Variants in COG1 observed in about 807,000 individuals in gnomAD.
COG1 encodes conserved oligomeric Golgi complex subunit 1.
In COG1, 61 loss-of-function variants were observed where a neutral mutation model predicts 102.2. That is an observed-to-expected ratio of 0.60 (90% CI 0.49 to 0.74). COG1 has a LOEUF of 0.74. Ranked by LOEUF, COG1 falls within the 30% of genes least tolerant of loss-of-function variation. COG1 has a pLI of 0.00. For synonymous variants in COG1, 454 were observed against 493.6 expected (o/e 0.92, Z 1.06); for missense variants, 1,164 against 1,232.1 (o/e 0.94, Z 0.83).
At position 73,197,062 on chromosome 17, in the gene COG1, T is replaced by C. The variant is rs756200970; in HGVS notation, c.723T>C (p.Leu241=). ...CCAGAAAGGCAACTATTCAGAAACTTCTCAACCAGCCACACCATGGTGGGT... is the reference window on the plus strand; with the variant it reads ...CCAGAAAGGCAACTATTCAGAAACTCCTCAACCAGCCACACCATGGTGGGT... The part of the protein sequence containing the change: ...LLARKATIQK[L]LNQPHHGAGI... The change falls in exon 3 of 14, where the codon CTT becomes CTC. Residue 241 remains leucine, a synonymous_variant. Coordinates refer to ENST00000299886, the MANE Select transcript of COG1 (RefSeq NM_018714.3). The C allele has an allele frequency of 3.1e-6, 5 of 1,613,960 alleles. No homozygotes were observed. Among genetic ancestry groups the C allele is most frequent in the Non-Finnish European group, 3.4e-6 (4 of 1,180,028 alleles).
chr17:73,197,543 T>C, intron 4 of COG1, 147 bp downstream of exon 4: 2 of 813,962 alleles, frequency 2.5e-6, no homozygotes, highest in East Asian at 5.3e-5. Context: ...GAGGCCACAG[T>C]TGAGTGGTAG....
intron 5 of COG1, 58 bp from the exon 6 acceptor site, chr17:73,200,508 A>C: frequency 7.1e-7 from 1 of 1,399,742 alleles, no homozygotes; most frequent in Non-Finnish European, 1.0e-6. Context: ...TGTTTTTCTT[A>C]ATAAAGATGT....
In COG1 at chr17:73,203,781, A is replaced by G. The variant is rs371288351; in HGVS notation, c.2370A>G (p.Glu790=). The change falls in exon 9 of 14, where the codon GAA becomes GAG. Residue 790 remains glutamate (E), a synonymous_variant. Transcript: ENST00000299886. ...VVAAYEKLSE[E]KQIKKEGAFP... ...CTGCCTATGAGAAACTCTCCGAAGAAAAACAGATTAAGGTAGGTGTCTGAA... is the reference window on the plus strand; with the variant it reads ...CTGCCTATGAGAAACTCTCCGAAGAGAAACAGATTAAGGTAGGTGTCTGAA... The G allele has an allele frequency of 6.2e-7, 1 of 1,614,122 alleles. No homozygotes were observed. Among genetic ancestry groups the G allele is most frequent in the African/African-American group, 1.3e-5 (1 of 74,944 alleles).
chr17:73,203,246 T>C lies in COG1; in HGVS notation c.2220+100T>C, dbSNP rs1036722561. 4.8e-5 allele frequency: 69 copies of C among 1,439,522 alleles called. No individual in the cohort carries two copies. The African/African-American group carries it at 8.2e-4, about 17-fold the overall frequency. The allele number at this position is 1,439,522 out of a possible 1,614,324, so 89.2% of individuals were successfully genotyped here. On this transcript the variant is annotated intron_variant, in intron 8 of 13. Transcript: ENST00000299886. The stretch of plus-strand genomic sequence containing the variant: ...CAACATACAACTTCTGAGGAATAGC[T>C]GAAAGTAACATCTGTAATTTTCTAC...
chr17:73,201,797 C>T lies in COG1; in HGVS notation c.1970C>T (p.Thr657Ile). ...CTGAGAAAACAGGGAAAGGTGAAAA[C>T]TCAGGAAATCATTCCTACACAGGCC... is the stretch of plus-strand genomic sequence containing the variant. Reference protein sequence around the residue: ...RALRKQGKVKTQEIIPTQAKW... With the variant: ...RALRKQGKVKIQEIIPTQAKW... Residue 657 changes from threonine (T) to isoleucine (I), a missense_variant, in exon 7 of 14, where the codon ACT becomes ATT. Transcript: ENST00000299886. 5.0e-6 allele frequency: 8 copies of T among 1,614,190 alleles called. No homozygotes were observed. Among genetic ancestry groups the T allele is most frequent in the Non-Finnish European group, 6.8e-6 (8 of 1,180,044 alleles).
intron 4 of COG1, 35 bp downstream of exon 4, chr17:73,197,431 C>G (rs1339375719): frequency 6.2e-7 from 1 of 1,609,484 alleles, no homozygotes; most frequent in East Asian, 2.2e-5. Flanking sequence ...AATTCTGGTT[C>G]ACTCAACTGA....
At chr17:73,204,554 C>CT (rs575425786) in intron 9 of COG1, among the ~76,000 whole-genome samples, 8,668 of 95,858 alleles carry the variant, frequency 0.09, 587 homozygotes, top group East Asian at 0.15. Context: ...TCATTAGTAA[C>CT]TTTTTTTTTT....
At chr17:73,201,062 G>A (rs770179791) in intron 6 of COG1, 47 bp from the exon 7 acceptor site, 17 of 1,557,794 alleles carry the variant, frequency 1.1e-5, no homozygotes, top group African/African-American at 2.7e-5. Context: ...GTTTTGAAAT[G>A]TCCTTAAAGG....
rs141185616 is a variant in COG1, at chr17:73,201,364, T to A, written c.1537T>A (p.Cys513Ser). ...CATGAAAGCACAAGCCATCAGCCCTTGTGTACAGAACTTCTGTTCTGCCCT... is the reference window on the plus strand; with the variant it reads ...CATGAAAGCACAAGCCATCAGCCCTAGTGTACAGAACTTCTGTTCTGCCCT... ...LSMKAQAISP[C>S]VQNFCSALDS... The change falls in exon 7 of 14, where the codon TGT becomes AGT. Residue 513 changes from cysteine (C) to serine (S), a missense_variant. Cys to Ser is a moderately radical substitution (Grantham distance 112). Transcript: ENST00000299886. 5 of 1,614,086 alleles carry A rather than the reference T, an allele frequency of 3.1e-6. No homozygotes were observed. The highest frequency in any genetic ancestry group is 4.2e-6 in the Non-Finnish European group (5 of 1,180,044).
chr17:73,208,235 G>A (rs986678621), intron 13 of COG1, 79 bp from the exon 14 acceptor site: 107 of 1,607,142 alleles, frequency 6.7e-5, no homozygotes, highest in African/African-American at 1.1e-4. Flanking sequence ...TGTGGACTCC[G>A]AGTGGCGTCG....
chr17:73,207,230 A>C lies in COG1; in HGVS notation c.2779A>C (p.Thr927Pro), dbSNP rs768573145. The C allele has an allele frequency of 5.0e-6, 8 of 1,613,964 alleles. No individual in the cohort carries two copies. The African/African-American group carries it at 1.1e-4, about 22-fold the overall frequency. ...SMTSTRKAKS[T>P]RNIETKAQVV... ...GACAAGCACTCGAAAGGCTAAATCAACCAGAAACATCGAAACAAAAGCTCA... is the reference window on the plus strand; with the variant it reads ...GACAAGCACTCGAAAGGCTAAATCACCCAGAAACATCGAAACAAAAGCTCA... The change falls in exon 13 of 14, where the codon ACC (threonine) becomes CCC (proline). Residue 927 changes from threonine to proline, a missense_variant. Physicochemically the swap from Thr to Pro is conservative, Grantham distance 38 (BLOSUM62 -1). Transcript: ENST00000299886.
chr17:73,201,962 A>T (rs1446519273), intron 7 of COG1, 62 bp downstream of exon 7: 5 of 1,468,718 alleles, frequency 3.4e-6, no homozygotes, highest in Non-Finnish European at 4.7e-6. Context: ...AGTCTTGCCA[A>T]CCTCAATCAG....
chr17:73,206,249 T>G lies in COG1; in HGVS notation c.2606T>G (p.Val869Gly), dbSNP rs1599331791. ...PHLNSNLHRL[V>G]QRTSVLFGLV... is the part of the protein sequence containing the mutation. ...CTCAACAGCAACCTTCATCGCCTGGTGCAGCGAACTTCTGTGAGTCAAATC... is the reference window on the plus strand; with the variant it reads ...CTCAACAGCAACCTTCATCGCCTGGGGCAGCGAACTTCTGTGAGTCAAATC... The change falls in exon 11 of 14, where the codon GTG becomes GGG. Residue 869 changes from valine to glycine, a missense_variant. Physicochemically the swap from Val to Gly is moderately radical, Grantham distance 109. Coordinates refer to ENST00000299886, the MANE Select transcript of COG1 (RefSeq NM_018714.3). 5 of 1,613,940 alleles carry G rather than the reference T, an allele frequency of 3.1e-6. No homozygotes were observed. The Admixed American group carries it at 5.0e-5, about 16-fold the overall frequency.
chr17:73,198,544 C>T (rs2061334176), intron 4 of COG1, among the ~76,000 whole-genome samples: 2 of 152,124 alleles, frequency 1.3e-5, no homozygotes, highest in Non-Finnish European at 2.9e-5. Context: ...AGTGACTGTG[C>T]CACTGCTTTC....
intron 11 of COG1, among the ~76,000 whole-genome samples, 166 bp from the exon 12 acceptor site, chr17:73,206,542 C>T (rs2061373344): frequency 6.6e-6 from 1 of 152,056 alleles, no homozygotes; most frequent in African/African-American, 2.4e-5. Flanking sequence ...AGATTCTGAC[C>T]TGTGGGCAGT....
Position 73,196,574 on chromosome 17 carries a change from C to T in COG1, c.383C>T (p.Pro128Leu), listed in dbSNP as rs548449163. The T allele has an allele frequency of 2.7e-5, 44 of 1,614,192 alleles. No homozygotes were observed. The highest frequency in any genetic ancestry group is 9.3e-5 in the African/African-American group (7 of 75,026). ...CAGATCAAGCTACTCTTAGAAATTC[C>T]GGAGAAGATCTGGAGCTCGATGGAA... Reference protein sequence around the residue: ...AAQIKLLLEIPEKIWSSMEAS... With the variant: ...AAQIKLLLEILEKIWSSMEAS... Residue 128 changes from proline (P) to leucine (L), a missense_variant, in exon 2 of 14, where the codon CCG (proline) becomes CTG (leucine). Transcript: ENST00000299886.
At chr17:73,207,721 C>T (rs777715682) in intron 13 of COG1, 55 of 1,291,796 alleles carry the variant, frequency 4.3e-5, no homozygotes, top group South Asian at 6.2e-5. Flanking sequence ...AACTGTTAAG[C>T]CTGCAGGAAT....
Position 73,193,237 on chromosome 17 carries a change from C to T in COG1, c.168C>T (p.Tyr56=). 2 of 1,608,986 alleles carry T rather than the reference C, an allele frequency of 1.2e-6. No individual in the cohort carries two copies. The highest frequency in any genetic ancestry group is 2.2e-5 in the East Asian group (1 of 44,648). ...EELRQMVGER[Y]RDLIEAADTI... ...TGCGGCAGATGGTGGGCGAACGGTA[C>T]CGCGACCTGATCGAGGCGGCCGACA... The change falls in exon 1 of 14, where the codon TAC becomes TAT. Residue 56 remains tyrosine (Y), a synonymous_variant. Transcript: ENST00000299886.
chr17:73,199,981 C>G lies in COG1; in HGVS notation c.1030C>G (p.Gln344Glu). The change falls in exon 5 of 14, where the codon CAG (glutamine) becomes GAG (glutamate). Residue 344 changes from glutamine to glutamate, a missense_variant. By Grantham distance (29) the Gln-to-Glu change is conservative. Transcript: ENST00000299886. ...CCGAACCCTTGCACATCCCATCAGT[C>G]AGGAATACCTGAAAGACACGCTGCA... is the stretch of plus-strand genomic sequence containing the variant. ...TLRTLAHPISQEYLKDTLQKW... is the reference protein window; with the variant it reads ...TLRTLAHPISEEYLKDTLQKW... 6.2e-7 allele frequency: 1 copy of G among 1,614,006 alleles called. No homozygotes were observed. Among genetic ancestry groups the G allele is most frequent in the Non-Finnish European group, 8.5e-7 (1 of 1,179,966 alleles).
Sources: allele counts gnomAD v4.1 joint callset (sites outside exome capture counted in the v4.1 genomes callset), GRCh38; gene constraint gnomAD v4.1.1; transcripts MANE v1.5; gene names NCBI Gene and HGNC (gene_info 2026-07-23, HGNC 2026-07-21).